CDH9: variants seen among roughly 807,000 people sequenced by gnomAD.
CDH9 encodes the protein cadherin 9.
CDH9 carries 28 observed loss-of-function variants against 70.9 expected under a neutral mutation model. The observed-to-expected ratio is 0.40, with a 90% CI of 0.29 to 0.54. CDH9 has a LOEUF of 0.54. Ranked by LOEUF, CDH9 falls within the 20% of genes least tolerant of loss-of-function variation. The pLI is 0.59. For missense variants in CDH9, 874 were observed against 984.4 expected, an observed-to-expected ratio of 0.89 and a Z score of 1.50; for synonymous variants, 409 against 343.1, an observed-to-expected ratio of 1.19 and a Z score of -2.12.
At chr5:26,983,075 A>G (rs1742428470) in intron 2 of CDH9, among the ~76,000 whole-genome samples, 1 of 152,168 alleles carries the variant, frequency 6.6e-6, no homozygotes, top group Non-Finnish European at 1.5e-5. Context: ...GATTGTGCAC[A>G]GAAGTTGTGG....
chr5:26,927,954 C>T (rs1269527656), intron 2 of CDH9, among the ~76,000 whole-genome samples: 4 of 152,104 alleles, frequency 2.6e-5, no homozygotes, highest in East Asian at 3.9e-4. Flanking sequence ...TGGCTGTCAT[C>T]GCCTTATGGC....
At chr5:26,937,011 C>T (rs561040369) in intron 2 of CDH9, among the ~76,000 whole-genome samples, 120 of 152,082 alleles carry the variant, frequency 7.9e-4, no homozygotes, top group African/African-American at 2.7e-3. Flanking sequence ...AAGAATGATC[C>T]ATGAAAGAAA....
At chr5:27,017,557 A>C (rs977547586) in intron 1 of CDH9, among the ~76,000 whole-genome samples, 2 of 151,786 alleles carry the variant, frequency 1.3e-5, no homozygotes, top group Non-Finnish European at 2.9e-5. Flanking sequence ...TCTGCCTAAG[A>C]CCTAACTTAG....
chr5:27,037,611 G>T (rs1381517593), intron 1 of CDH9, among the ~76,000 whole-genome samples: 3 of 151,840 alleles, frequency 2.0e-5, no homozygotes, highest in Non-Finnish European at 4.4e-5. Context: ...AAATTTATTT[G>T]ATGTGAATGG....
At chr5:26,938,749 C>T (rs1166641183) in intron 2 of CDH9, among the ~76,000 whole-genome samples, 1 of 152,010 alleles carries the variant, frequency 6.6e-6, no homozygotes, top group African/African-American at 2.4e-5. Context: ...TATATTCATG[C>T]AACCCAATAC....
At position 26,908,662 on chromosome 5, in the gene CDH9, T is replaced by A. The variant is rs191303996; in HGVS notation, c.524-1824A>T. 3.4e-3 allele frequency among the ~76,000 whole-genome samples: 513 copies of A among 152,300 alleles called. 3 individuals carry two copies. The highest frequency in any genetic ancestry group is 0.01 in the African/African-American group (436 of 41,574). ...ATTAGCTCTATTAGTCGGTAGATGATCTTTGAAGTTACGCAAGGACGCTTA... is the reference window on the plus strand; with the variant it reads ...ATTAGCTCTATTAGTCGGTAGATGAACTTTGAAGTTACGCAAGGACGCTTA... On this transcript the variant is annotated intron_variant, in intron 3 of 11. Coordinates refer to ENST00000231021, the MANE Select transcript of CDH9 (RefSeq NM_016279.4).
intron 2 of CDH9, among the ~76,000 whole-genome samples, chr5:26,928,614 C>G (rs1741386716): frequency 6.6e-6 from 1 of 152,008 alleles, no homozygotes; most frequent in Non-Finnish European, 1.5e-5. Context: ...TTATAGTAAC[C>G]AGAATAGCTT....
chr5:27,037,027 T>C (rs1743405130), intron 1 of CDH9, among the ~76,000 whole-genome samples: 1 of 152,004 alleles, frequency 6.6e-6, no homozygotes, highest in South Asian at 2.1e-4. Context: ...TGGACACACA[T>C]TGCCTAGGCA....
chr5:26,994,382 C>T (rs955279788), intron 1 of CDH9, among the ~76,000 whole-genome samples: 3 of 152,142 alleles, frequency 2.0e-5, no homozygotes, highest in Admixed American at 6.6e-5. Context: ...AATCTTAACC[C>T]CCAGACTGAT....
intron 1 of CDH9, among the ~76,000 whole-genome samples, chr5:27,029,475 A>G (rs1321782972): frequency 6.6e-6 from 1 of 152,030 alleles, no homozygotes; most frequent in Non-Finnish European, 1.5e-5. Flanking sequence ...AGAGAGAGAA[A>G]GTTACAAGCA....
intron 2 of CDH9, among the ~76,000 whole-genome samples, chr5:26,927,166 T>A (rs1015915554): frequency 6.6e-6 from 1 of 151,996 alleles, no homozygotes; most frequent in East Asian, 1.9e-4. Context: ...TGATTACTTA[T>A]AATGATGTTG....
intron 7 of CDH9, among the ~76,000 whole-genome samples, chr5:26,895,808 A>T (rs1306409581): frequency 1.3e-5 from 2 of 152,016 alleles, no homozygotes; most frequent in Non-Finnish European, 2.9e-5. Context: ...TTTCTCTGTG[A>T]TGCTTATCAT....
intron 1 of CDH9, among the ~76,000 whole-genome samples, chr5:26,999,226 A>C (rs1280157100): frequency 2.0e-5 from 3 of 152,006 alleles, no homozygotes; most frequent in Non-Finnish European, 2.9e-5. Context: ...TGACGGAGCG[A>C]GACTCCGTCT....
chr5:26,889,947 T>C lies in CDH9; in HGVS notation c.1401A>G (p.Lys467=). 5.0e-6 allele frequency: 8 copies of C among 1,609,080 alleles called. No homozygotes were observed. Among genetic ancestry groups the C allele is most frequent in the Non-Finnish European group, 6.8e-6 (8 of 1,177,844 alleles). ...TVTATEINNP[K]QSSHIPVFIR... ...TGAAGACAGGGATGTGGCTACTTTGTTTTGGGTTATCTGCAACGAGAACAC... is the reference window on the plus strand; with the variant it reads ...TGAAGACAGGGATGTGGCTACTTTGCTTTGGGTTATCTGCAACGAGAACAC... The change falls in exon 9 of 12, where the codon AAA becomes AAG. Residue 467 remains lysine, a synonymous_variant. Transcript: ENST00000231021.
chr5:26,929,171 T>C (rs998307680), intron 2 of CDH9, among the ~76,000 whole-genome samples: 1 of 152,000 alleles, frequency 6.6e-6, no homozygotes, highest in Non-Finnish European at 1.5e-5. Context: ...GATTTAAAAA[T>C]GGACAAAATA....
rs1359344852 is a variant in CDH9 at position 26,915,653 on chromosome 5, C to T, written c.500G>A (p.Ser167Asn). Reference protein sequence around the residue: ...PKFTKDLYTASVPEMSGVGTS... With the variant: ...PKFTKDLYTANVPEMSGVGTS... ...ACCGACTCCAGACATTTCAGGAACA[C>T]TGGCAGTGTATAAGTCTTTTGTAAA... is the stretch of plus-strand genomic sequence containing the variant. Residue 167 changes from serine to asparagine, a missense_variant, in exon 3 of 12, where the codon AGT (serine) becomes AAT (asparagine). Transcript: ENST00000231021. 3 of 1,599,970 alleles carry T rather than the reference C, an allele frequency of 1.9e-6. No individual in the cohort carries two copies. Among genetic ancestry groups the T allele is most frequent in the Non-Finnish European group, 2.6e-6 (3 of 1,167,306 alleles).
chr5:26,931,930 A>C (rs1741470465), intron 2 of CDH9, among the ~76,000 whole-genome samples: 1 of 152,194 alleles, frequency 6.6e-6, no homozygotes, highest in African/African-American at 2.4e-5. Context: ...GACCTGTTTC[A>C]AGTTAGAAGG....
Position 27,023,311 on chromosome 5 carries a change from G to T in CDH9, c.-50+15152C>A, listed in dbSNP as rs146550037. 4.4e-3 allele frequency among the ~76,000 whole-genome samples: 673 copies of T among 151,986 alleles called. 5 individuals carry two copies. Among genetic ancestry groups the T allele is most frequent in the African/African-American group, 0.015 (640 of 41,466 alleles). On this transcript the variant is annotated intron_variant, in intron 1 of 11. Transcript: ENST00000231021. Reference sequence around the variant, plus strand: ...TCTTTCTTCTTCACTCGGGAGGCTCGGTTGATTCATCATATTTTTGTTTTA... The same window carrying T: ...TCTTTCTTCTTCACTCGGGAGGCTCTGTTGATTCATCATATTTTTGTTTTA...
intron 2 of CDH9, among the ~76,000 whole-genome samples, chr5:26,970,566 C>T (rs17564788): frequency 0.012 from 1,752 of 152,140 alleles, 21 homozygotes; most frequent in Non-Finnish European, 0.018. Flanking sequence ...AAGTTACATC[C>T]TATTTAGCTG....
Sources: gnomAD v4.1 joint callset for allele counts (sites outside exome capture counted in the v4.1 genomes callset) on GRCh38, gnomAD v4.1.1 for gene constraint, MANE v1.5 for transcripts, NCBI Gene and HGNC (gene_info 2026-07-23, HGNC 2026-07-21) for gene names.